Variants in CSMD1 observed in about 807,000 individuals in gnomAD.
The protein encoded by CSMD1 is CUB and Sushi multiple domains 1, also known as CUB and sushi domain-containing protein 1.
Under a neutral mutation model 417.5 loss-of-function variants are expected in CSMD1, and 213 were observed. That is an observed-to-expected ratio of 0.51 (90% CI 0.46 to 0.57). CSMD1 has a LOEUF of 0.57. CSMD1 is among the 20% of genes least tolerant of loss of function. The pLI is 0.00. For synonymous variants in CSMD1, 2,862 were observed against 1,736.8 expected (o/e 1.65, Z -16.11); for missense variants, 6,923 against 4,529.7 (o/e 1.53, Z -15.17).
intron 1 of CSMD1, among the ~76,000 whole-genome samples, chr8:4,671,466 C>A (rs552179496): frequency 2.0e-5 from 3 of 152,096 alleles, no homozygotes; most frequent in African/African-American, 7.2e-5. Context: ...TCTGGAAGCA[C>A]GACAGAAAAG....
chr8:4,708,651 T>C (rs1426765308), intron 1 of CSMD1, among the ~76,000 whole-genome samples: 1 of 152,112 alleles, frequency 6.6e-6, no homozygotes, highest in Non-Finnish European at 1.5e-5. Flanking sequence ...GTCATCATTA[T>C]AGACACCATC....
Position 4,937,360 on chromosome 8 carries a change from G to C in CSMD1, c.85+56972C>G, listed in dbSNP as rs73659068. 1.2e-3 allele frequency among the ~76,000 whole-genome samples: 176 copies of C among 152,312 alleles called. 1 individual carries two copies. Among genetic ancestry groups the C allele is most frequent in the African/African-American group, 4.0e-3 (166 of 41,578 alleles). On this transcript the variant is annotated intron_variant, in intron 1 of 69. Transcript: ENST00000635120. ...TTTGTAAAATAGTGAAAGCACACCT[G>C]CTGGGACTTGATGTAGTGTATTCTT...
intron 5 of CSMD1, among the ~76,000 whole-genome samples, chr8:3,826,912 G>A (rs532502089): frequency 1.3e-5 from 2 of 151,966 alleles, no homozygotes; most frequent in African/African-American, 4.8e-5. Context: ...TCAGCCTCTT[G>A]AGTAGCTGAA....
At chr8:3,784,989 A>C (rs1799373776) in intron 5 of CSMD1, among the ~76,000 whole-genome samples, 1 of 152,316 alleles carries the variant, frequency 6.6e-6, no homozygotes, top group South Asian at 2.1e-4. Flanking sequence ...AATGTCTCTC[A>C]TGTCAGATTC....
intron 5 of CSMD1, among the ~76,000 whole-genome samples, chr8:3,931,177 T>C (rs1306332697): frequency 6.6e-6 from 1 of 150,778 alleles, no homozygotes; most frequent in Non-Finnish European, 1.5e-5. Flanking sequence ...TTAAAGCATC[T>C]TCCCCTCATA....
At chr8:4,720,848 G>T (rs1027196792) in intron 1 of CSMD1, among the ~76,000 whole-genome samples, 1 of 152,184 alleles carries the variant, frequency 6.6e-6, no homozygotes, top group Non-Finnish European at 1.5e-5. Context: ...AAGTCTAGAA[G>T]CCAAGGGAAA....
chr8:4,256,893 G>C (rs926703983), intron 3 of CSMD1, among the ~76,000 whole-genome samples: 3 of 152,164 alleles, frequency 2.0e-5, no homozygotes, highest in African/African-American at 7.2e-5. Context: ...GGACGATGTG[G>C]TTCAGAATGA....
chr8:4,246,516 T>A (rs1284037705), intron 3 of CSMD1, among the ~76,000 whole-genome samples: 2 of 152,186 alleles, frequency 1.3e-5, no homozygotes, highest in African/African-American at 4.8e-5. Context: ...GTAAGACCCT[T>A]GTGAAAATTA....
At chr8:3,294,816 G>T (rs112715067) in intron 25 of CSMD1, among the ~76,000 whole-genome samples, 2 of 152,082 alleles carry the variant, frequency 1.3e-5, no homozygotes, top group Admixed American at 6.5e-5. Flanking sequence ...CGCTTGGTGG[G>T]CTGCACCCAT....
intron 3 of CSMD1, among the ~76,000 whole-genome samples, chr8:4,047,352 G>A (rs7004524): frequency 0.15 from 23,080 of 152,192 alleles, 1,905 homozygotes; most frequent in Admixed American, 0.2. Flanking sequence ...AAGCCCTTGG[G>A]AACGGTCCTG....
At chr8:4,634,612 G>A (rs1161179058) in intron 2 of CSMD1, among the ~76,000 whole-genome samples, 2 of 152,102 alleles carry the variant, frequency 1.3e-5, no homozygotes, top group African/African-American at 2.4e-5. Flanking sequence ...AAAAGAATCC[G>A]TCCTTTGAAT....
At chr8:4,916,080 T>A (rs796402361) in intron 1 of CSMD1, among the ~76,000 whole-genome samples, 4 of 152,314 alleles carry the variant, frequency 2.6e-5, no homozygotes, top group African/African-American at 9.6e-5. Context: ...TCAGATTACG[T>A]TCATATGCCA....
intron 52 of CSMD1, among the ~76,000 whole-genome samples, chr8:3,015,028 C>T (rs1808718441): frequency 6.6e-6 from 1 of 151,618 alleles, no homozygotes; most frequent in African/African-American, 2.4e-5. Flanking sequence ...TCTCATGTGC[C>T]CCACAAATAT....
At chr8:4,061,502 AAAGT>A (rs1344103325) in intron 3 of CSMD1, among the ~76,000 whole-genome samples, 2 of 152,204 alleles carry the variant, frequency 1.3e-5, no homozygotes. Flanking sequence ...TAAAAACTGT[AAAGT>A]AAGTAGGGAA....
intron 10 of CSMD1, among the ~76,000 whole-genome samples, chr8:3,524,923 T>C (rs1028453283): frequency 6.6e-6 from 1 of 152,010 alleles, no homozygotes. Flanking sequence ...CTTGGTATCA[T>C]GAAATGTAAA....
At chr8:4,586,052 T>C (rs1319572617) in intron 2 of CSMD1, among the ~76,000 whole-genome samples, 7 of 152,216 alleles carry the variant, frequency 4.6e-5, no homozygotes, top group African/African-American at 1.4e-4. Flanking sequence ...GTTGTACGTA[T>C]ACATGGAGTA....
chr8:4,332,264 G>C (rs867579543), intron 3 of CSMD1, among the ~76,000 whole-genome samples: 24 of 152,196 alleles, frequency 1.6e-4, no homozygotes, highest in Middle Eastern at 3.4e-3. Flanking sequence ...TTAATGCCAA[G>C]GAGCCAAAGG....
intron 51 of CSMD1, among the ~76,000 whole-genome samples, chr8:3,028,125 C>T (rs951277001): frequency 1.3e-5 from 2 of 152,174 alleles, no homozygotes; most frequent in Non-Finnish European, 2.9e-5. Context: ...CTGTGTAAAA[C>T]CCCACCTGGA....
At chr8:3,481,464 G>T (rs1417688159) in intron 11 of CSMD1, among the ~76,000 whole-genome samples, 1 of 152,140 alleles carries the variant, frequency 6.6e-6, no homozygotes, top group African/African-American at 2.4e-5. Flanking sequence ...CATACTTCAG[G>T]TGGTAAATGT....
Sources: allele counts gnomAD v4.1 joint callset (sites outside exome capture counted in the v4.1 genomes callset), GRCh38; gene constraint gnomAD v4.1.1; transcripts MANE v1.5; gene names NCBI Gene and HGNC (gene_info 2026-07-23, HGNC 2026-07-21).